DAND5: variants seen among roughly 807,000 people sequenced by gnomAD.
DAND5 encodes DAN domain family member 5.
Under a neutral mutation model 9.2 loss-of-function variants are expected in DAND5, and 8 were observed. That is an observed-to-expected ratio of 0.87 (90% confidence interval 0.51 to 1.56). DAND5 has a LOEUF of 1.56. Among genes scored for constraint, DAND5 ranks in the 40% most tolerant of loss-of-function variants. The probability of loss-of-function intolerance (pLI) is 0.00; values close to 1 mark genes in which losing one functional copy is unlikely to be tolerated. For synonymous variants in DAND5, 95 were observed against 101.1 expected, an observed-to-expected ratio of 0.94 and a Z score of 0.36; for missense variants, 244 against 244.7, an observed-to-expected ratio of 1.00 and a Z score of 0.02.
intron 1 of DAND5, among the ~76,000 whole-genome samples, chr19:12,970,300 C>T (rs768254044): frequency 6.6e-6 from 1 of 152,004 alleles, no homozygotes; most frequent in African/African-American, 2.4e-5. Flanking sequence ...AGAACAAAAG[C>T]CCAAGTCCTC....
chr19:12,973,176 A>G lies in DAND5; in HGVS notation c.325-213A>G, dbSNP rs112356467. Among the ~76,000 whole-genome samples, 1,312 of 152,274 alleles carry G rather than the reference A, an allele frequency of 8.6e-3. 26 individuals carry two copies. Among genetic ancestry groups the G allele is most frequent in the African/African-American group, 0.03 (1,256 of 41,552 alleles). Reference sequence around the variant, plus strand: ...CGCGCCCGGCCCTTGTTGAATTTCAATGATTTTCCAGGTGAGGAAACAAAA... The same window carrying G: ...CGCGCCCGGCCCTTGTTGAATTTCAGTGATTTTCCAGGTGAGGAAACAAAA... On this transcript the variant is annotated intron_variant, in intron 1 of 1. Transcript: ENST00000317060.
chr19:12,970,639 C>CTCTTTCTTTCTTTCTTTCTTTCTT (rs60689658), intron 1 of DAND5: 44 of 458,880 alleles, frequency 9.6e-5, no homozygotes, highest in African/African-American at 7.4e-4. Context: ...TTCTTTTTTT[C>CTCTTTCTTTCTTTCTTTCTTTCTT]TCTTTCTTTC....
In DAND5 at chr19:12,973,658, C is replaced by T. The variant is rs780181111; in HGVS notation, c.*24C>T. Reference sequence around the variant, plus strand: ...GAACTGAGCATCGTGGATGGGTGCACGGAGACACGCACCTTGGAGAAATGA... The same window carrying T: ...GAACTGAGCATCGTGGATGGGTGCATGGAGACACGCACCTTGGAGAAATGA... On this transcript the variant is annotated 3_prime_UTR_variant, in exon 2 of 2. Coordinates refer to ENST00000317060, the MANE Select transcript of DAND5 (RefSeq NM_152654.3). The T allele has an allele frequency of 4.0e-5, 64 of 1,605,844 alleles. No homozygotes were observed. Among genetic ancestry groups the T allele is most frequent in the African/African-American group, 6.7e-5 (5 of 74,798 alleles).
At chr19:12,971,255 ACTTTT>A (rs1378235821) in intron 1 of DAND5, among the ~76,000 whole-genome samples, 1 of 151,246 alleles carries the variant, frequency 6.6e-6, no homozygotes, top group African/African-American at 2.4e-5. Context: ...GCTTTTCTTT[ACTTTT>A]CTTTTCTTAT....
rs1441218068 is a variant in DAND5, at chr19:12,973,927, A to G, written c.*293A>G. Reference sequence around the variant, plus strand: ...GCCCAGGCTGGAGTGCAGTGGCGCAATCTCAGCTCACTGCAAGCTCCACCT... The same window carrying G: ...GCCCAGGCTGGAGTGCAGTGGCGCAGTCTCAGCTCACTGCAAGCTCCACCT... On this transcript the variant is annotated 3_prime_UTR_variant, in exon 2 of 2. Transcript: ENST00000317060. The G allele has an allele frequency of 3.2e-6, 1 of 308,758 alleles. No individual in the cohort carries two copies. The highest frequency in any genetic ancestry group is 6.1e-6 in the Non-Finnish European group (1 of 164,126). The allele number at this position is 308,758 out of a possible 1,614,324, so 19.1% of individuals were successfully genotyped here.
In DAND5 at chr19:12,973,832, A is replaced by G. The variant is rs2011159671; in HGVS notation, c.*198A>G. The G allele has an allele frequency of 4.6e-6, 3 of 653,674 alleles. No individual in the cohort carries two copies. The highest frequency in any genetic ancestry group is 7.6e-6 in the Non-Finnish European group (3 of 396,254). The allele number at this position is 653,674 out of a possible 1,614,324, so 40.5% of individuals were successfully genotyped here. On this transcript the variant is annotated 3_prime_UTR_variant, in exon 2 of 2. Coordinates refer to ENST00000317060, the MANE Select transcript of DAND5 (RefSeq NM_152654.3). ...TGCCCGTCCTGGAGTTGCACCACTGATAGTCACAGCACACAATGATTGACA... is the reference window on the plus strand; with the variant it reads ...TGCCCGTCCTGGAGTTGCACCACTGGTAGTCACAGCACACAATGATTGACA...
intron 1 of DAND5, among the ~76,000 whole-genome samples, chr19:12,973,026 C>A: frequency 6.6e-6 from 1 of 150,926 alleles, no homozygotes; most frequent in Non-Finnish European, 1.5e-5. Context: ...CCACGCCCGG[C>A]TCATTTTTTG....
In DAND5 at chr19:12,969,803, T is replaced by C; in HGVS notation, c.143T>C (p.Leu48Pro). 6.2e-7 allele frequency: 1 copy of C among 1,601,532 alleles called. No homozygotes were observed. Among genetic ancestry groups the C allele is most frequent in the Non-Finnish European group, 8.5e-7 (1 of 1,174,166 alleles). ...ACCTGGGCTCTGGGCCCAGGGGCCC[T>C]GCCCCCACTGGTGCCAGCTTCTGCC... ...NQTWALGPGA[L>P]PPLVPASALG... is the part of the protein sequence containing the mutation. The change falls in exon 1 of 2, where the codon CTG becomes CCG. Residue 48 changes from leucine (L) to proline (P), a missense_variant. Coordinates refer to ENST00000317060, the MANE Select transcript of DAND5 (RefSeq NM_152654.3).
rs1042525086 is a variant in DAND5 at position 12,969,683 on chromosome 19, C to T, written c.23C>T (p.Thr8Ile). The T allele has an allele frequency of 1.2e-6, 2 of 1,606,134 alleles. No homozygotes were observed. Residue 8 changes from threonine to isoleucine, a missense_variant, in exon 1 of 2, where the codon ACT becomes ATT. Thr to Ile is a moderately conservative substitution (Grantham distance 89). Coordinates refer to ENST00000317060, the MANE Select transcript of DAND5 (RefSeq NM_152654.3). ...CAGATGCTCCTTGGCCAGCTATCCA[C>T]TCTTCTGTGCCTGCTTAGCGGGGCC... MLLGQLS[T>I]LLCLLSGALP... is the part of the protein sequence containing the mutation.
At chr19:12,972,615 G>C (rs1041596287) in intron 1 of DAND5, among the ~76,000 whole-genome samples, 3 of 151,162 alleles carry the variant, frequency 2.0e-5, no homozygotes, top group African/African-American at 7.3e-5. Context: ...ATCTCAACTT[G>C]CTGCAACCTT....
intron 1 of DAND5, among the ~76,000 whole-genome samples, chr19:12,972,578 T>C (rs895921649): frequency 2.0e-5 from 3 of 152,176 alleles, no homozygotes; most frequent in Admixed American, 6.6e-5. Context: ...AGTCTCGCTC[T>C]GTTACCCAGG....
At chr19:12,970,677 TTCTC>T (rs756858280) in intron 1 of DAND5, 2 of 469,336 alleles carry the variant, frequency 4.3e-6, no homozygotes, top group Non-Finnish European at 7.5e-6. Context: ...TTTCTTTCTT[TTCTC>T]TCTCTCTCTT....
intron 1 of DAND5, among the ~76,000 whole-genome samples, chr19:12,970,742 A>C (rs1599679491): frequency 6.6e-6 from 1 of 150,948 alleles, no homozygotes; most frequent in East Asian, 2.0e-4. Flanking sequence ...GGGCAGCAGT[A>C]CAATCTCGGC....
Position 12,974,476 on chromosome 19 carries a change from C to T in DAND5, c.*842C>T, listed in dbSNP as rs535071527. On this transcript the variant is annotated 3_prime_UTR_variant, in exon 2 of 2. Transcript: ENST00000317060. ...CCCAGTTGCAGGGAGGGTAGATGGC[C>T]CCACCCAGACCGAGAGACACAGTGA... is the stretch of plus-strand genomic sequence containing the variant. 1 of 152,040 alleles carries T rather than the reference C, an allele frequency of 6.6e-6. No homozygotes were observed. Among genetic ancestry groups the T allele is most frequent in the South Asian group, 2.1e-4 (1 of 4,776 alleles). 9.4% of individuals were successfully genotyped at this position (152,040 alleles called of 1,614,324 possible).
rs71168643 is a variant in DAND5 at position 12,972,058 on chromosome 19, ATTT to A, written c.325-1315_325-1313del. Among the ~76,000 whole-genome samples the A allele has an allele frequency of 4.4e-3, 503 of 114,154 alleles. 2 individuals carry two copies. Among genetic ancestry groups the A allele is most frequent in the Non-Finnish European group, 6.8e-3 (348 of 51,326 alleles). The allele number at this position is 114,154 out of a possible 152,430, so 74.9% of individuals were successfully genotyped here. A position where few individuals can be genotyped will look rare whatever the true frequency, so the allele number is the denominator to read the frequency against. ...GACGCACAGCATTAGCCCAGCTAAT[ATTT>A]TTTTTTTTTTTTTTTGAGACGGAGT... On this transcript the variant is annotated intron_variant, in intron 1 of 1. Transcript: ENST00000317060.
rs1599680904 is a variant in DAND5 at position 12,973,780 on chromosome 19, A to C, written c.*146A>C. 1 of 1,225,312 alleles carries C rather than the reference A, an allele frequency of 8.2e-7. No homozygotes were observed. The highest frequency in any genetic ancestry group is 1.5e-5 in the African/African-American group (1 of 66,084). 75.9% of individuals were successfully genotyped at this position (1,225,312 alleles called of 1,614,324 possible). A position where few individuals can be genotyped will look rare whatever the true frequency, so the allele number is the denominator to read the frequency against. On this transcript the variant is annotated 3_prime_UTR_variant, in exon 2 of 2. Coordinates refer to ENST00000317060, the MANE Select transcript of DAND5 (RefSeq NM_152654.3). ...AGGCAGACAGGTCCCCAGAGTCCTCACCCTGCTCCCCAGACAGTAGACACA... is the reference window on the plus strand; with the variant it reads ...AGGCAGACAGGTCCCCAGAGTCCTCCCCCTGCTCCCCAGACAGTAGACACA...
Position 12,970,419 on chromosome 19 carries a change from C to T in DAND5, c.324+435C>T, listed in dbSNP as rs929629376. The T allele has an allele frequency of 5.7e-6, 4 of 699,036 alleles. No homozygotes were observed. In the African/African-American group the frequency reaches 7.0e-5, roughly 12 times the overall value. 43.3% of individuals were successfully genotyped at this position (699,036 alleles called of 1,614,324 possible). A position where few individuals can be genotyped will look rare whatever the true frequency, so the allele number is the denominator to read the frequency against. ...GCTTCTACACATCAGCCTCCTTTTC[C>T]TCAGACACCAACTTTCTTTCTGTTT... On this transcript the variant is annotated intron_variant, in intron 1 of 1. Coordinates refer to ENST00000317060, the MANE Select transcript of DAND5 (RefSeq NM_152654.3).
At position 12,970,358 on chromosome 19, in the gene DAND5, A is replaced by G. The variant is rs557744322; in HGVS notation, c.324+374A>G. Reference sequence around the variant, plus strand: ...ACTCTCTGATCCTGTTACCTCCCTGATTTCACCTCCTCCCACTCTCCCCCT... The same window carrying G: ...ACTCTCTGATCCTGTTACCTCCCTGGTTTCACCTCCTCCCACTCTCCCCCT... On this transcript the variant is annotated intron_variant, in intron 1 of 1. Transcript: ENST00000317060. 92 of 659,180 alleles carry G rather than the reference A, an allele frequency of 1.4e-4. No homozygotes were observed. In the South Asian group the frequency reaches 1.5e-3, roughly 11 times the overall value. 40.8% of individuals were successfully genotyped at this position (659,180 alleles called of 1,614,324 possible).
chr19:12,972,199 C>G (rs2011148996), intron 1 of DAND5, among the ~76,000 whole-genome samples: 1 of 151,896 alleles, frequency 6.6e-6, no homozygotes, highest in Non-Finnish European at 1.5e-5. Flanking sequence ...GCTGGGACCA[C>G]AGGCGCCCAC....
Sources: gnomAD v4.1 joint callset for allele counts (sites outside exome capture counted in the v4.1 genomes callset) on GRCh38, gnomAD v4.1.1 for gene constraint, MANE v1.5 for transcripts, NCBI Gene and HGNC (gene_info 2026-07-23, HGNC 2026-07-21) for gene names.